SORCS2: variants seen among roughly 807,000 people sequenced by gnomAD.
SORCS2 encodes the protein VPS10 domain-containing receptor SorCS2.
SORCS2 carries 100 observed loss-of-function variants against 141.6 expected under a neutral mutation model. The ratio of observed to expected loss-of-function variants is 0.71; its 90% CI spans 0.60 to 0.83. SORCS2 has a LOEUF of 0.83. SORCS2 is among the 40% of genes least tolerant of loss of function. The pLI, the probability that SORCS2 is intolerant of heterozygous loss-of-function variation, is 0.00. For missense variants in SORCS2, 1,646 were observed against 1,560.2 expected, an observed-to-expected ratio of 1.05 and a Z score of -0.93; for synonymous variants, 789 against 676.9, an observed-to-expected ratio of 1.17 and a Z score of -2.57.
intron 25 of SORCS2, 27 bp downstream of exon 25, chr4:7,734,401 C>G: frequency 6.9e-7 from 1 of 1,453,600 alleles, no homozygotes; most frequent in Non-Finnish European, 9.2e-7. Flanking sequence ...CCCTCCTCTG[C>G]GGGGCTCTGA....
chr4:7,315,950 C>A (rs189092371), intron 1 of SORCS2, among the ~76,000 whole-genome samples: 89 of 152,276 alleles, frequency 5.8e-4, no homozygotes, highest in African/African-American at 2.0e-3. Flanking sequence ...TCCATCCTAT[C>A]TTCCTTCCAT....
chr4:7,461,964 G>A (rs1274991760), intron 2 of SORCS2, among the ~76,000 whole-genome samples: 1 of 152,172 alleles, frequency 6.6e-6, no homozygotes, highest in Non-Finnish European at 1.5e-5. Context: ...TCCCACGGCA[G>A]CTGGACACAG....
chr4:7,614,031 C>T (rs1718592898), intron 3 of SORCS2, among the ~76,000 whole-genome samples: 2 of 151,538 alleles, frequency 1.3e-5, no homozygotes, highest in Non-Finnish European at 2.9e-5. Context: ...CACCATCATT[C>T]ACCCATAATC....
intron 2 of SORCS2, among the ~76,000 whole-genome samples, chr4:7,469,361 C>A (rs1206976515): frequency 6.6e-6 from 1 of 152,174 alleles, no homozygotes; most frequent in East Asian, 1.9e-4. Context: ...CACAAAAGTT[C>A]TTTCTCCCCG....
At chr4:7,364,649 C>G (rs915307628) in intron 1 of SORCS2, among the ~76,000 whole-genome samples, 2 of 152,146 alleles carry the variant, frequency 1.3e-5, no homozygotes, top group Non-Finnish European at 2.9e-5. Context: ...CTCCACAAAA[C>G]AGAATGCAAG....
At chr4:7,554,935 A>G (rs1218207471) in intron 3 of SORCS2, among the ~76,000 whole-genome samples, 2 of 152,190 alleles carry the variant, frequency 1.3e-5, no homozygotes, top group Non-Finnish European at 2.9e-5. Flanking sequence ...GGGCAGGTGA[A>G]GTCCAAGGCA....
chr4:7,364,586 AG>A (rs1416567969), intron 1 of SORCS2, among the ~76,000 whole-genome samples: 5 of 152,042 alleles, frequency 3.3e-5, no homozygotes, highest in Admixed American at 1.3e-4. Context: ...GATGAGGTAA[AG>A]GGTCTTGAGG....
intron 2 of SORCS2, among the ~76,000 whole-genome samples, chr4:7,494,155 C>A (rs1731476194): frequency 1.3e-5 from 2 of 152,218 alleles, no homozygotes; most frequent in Admixed American, 1.3e-4. Context: ...TAGTTCGTAT[C>A]TTTTGTACAA....
chr4:7,714,267 A>C lies in SORCS2; in HGVS notation c.2017A>C (p.Arg673=). Residue 673 remains arginine, a synonymous_variant, in exon 16 of 27, where the codon AGA becomes CGA. Coordinates refer to ENST00000507866, the MANE Select transcript of SORCS2 (RefSeq NM_020777.3). The part of the protein sequence containing the change: ...QGDRCIMGQQ[R]SFRKRKSTSW... The stretch of plus-strand genomic sequence containing the variant: ...CGACCGCTGTATCATGGGCCAGCAG[A>C]GAAGTTTCCGGAAAAGAAAGTCCAC... 1 of 1,611,094 alleles carries C rather than the reference A, an allele frequency of 6.2e-7. No individual in the cohort carries two copies. Among genetic ancestry groups the C allele is most frequent in the South Asian group, 1.1e-5 (1 of 89,848 alleles).
chr4:7,564,129 TGA>T (rs1371250247), intron 3 of SORCS2, among the ~76,000 whole-genome samples: 1 of 152,212 alleles, frequency 6.6e-6, no homozygotes, highest in East Asian at 1.9e-4. Context: ...CCGGCTTCAC[TGA>T]GAGAGGTTGG....
In SORCS2 at chr4:7,198,343, C is replaced by A. The variant is rs10033224; in HGVS notation, c.480+5217C>A. Among the ~76,000 whole-genome samples, 498 of 152,310 alleles carry A rather than the reference C, an allele frequency of 3.3e-3. 2 individuals carry two copies. The highest frequency in any genetic ancestry group is 0.012 in the African/African-American group (478 of 41,564). On this transcript the variant is annotated intron_variant, in intron 1 of 26. Transcript: ENST00000507866. ...CCACGACAAAGCTGACTTGAAGCCT[C>A]GTGTCCGATGCTTGTGGTTTTGTGA...
At chr4:7,683,487 T>C (rs2108970319) in intron 10 of SORCS2, among the ~76,000 whole-genome samples, 1 of 152,378 alleles carries the variant, frequency 6.6e-6, no homozygotes, top group South Asian at 2.1e-4. Context: ...GCTCTGCACA[T>C]CTTGCATCCT....
intron 9 of SORCS2, 108 bp downstream of exon 9, chr4:7,676,337 C>T (rs1723111572): frequency 8.1e-7 from 1 of 1,237,800 alleles, no homozygotes; most frequent in African/African-American, 1.5e-5. Flanking sequence ...ATATAGCTGT[C>T]TCAAGGGTCT....
chr4:7,262,392 ATCCATCCATCCATC>A, intron 1 of SORCS2, among the ~76,000 whole-genome samples: 1 of 101,732 alleles, frequency 9.8e-6, no homozygotes, highest in Admixed American at 8.8e-5. Flanking sequence ...CCATCCATCC[ATCCATCCATCCATC>A]CATCCATCCA....
At chr4:7,243,303 A>G (rs992853892) in intron 1 of SORCS2, among the ~76,000 whole-genome samples, 21 of 152,170 alleles carry the variant, frequency 1.4e-4, no homozygotes, top group Non-Finnish European at 2.5e-4. Flanking sequence ...GATCTTGGCC[A>G]TTCTCCTCCC....
chr4:7,392,249 A>T (rs1204510888), intron 1 of SORCS2, among the ~76,000 whole-genome samples: 1 of 152,158 alleles, frequency 6.6e-6, no homozygotes, highest in African/African-American at 2.4e-5. Flanking sequence ...GAGGGTTAGG[A>T]TGGGCATTGC....
chr4:7,607,852 G>T (rs1718158772), intron 3 of SORCS2, among the ~76,000 whole-genome samples: 1 of 152,052 alleles, frequency 6.6e-6, no homozygotes, highest in Non-Finnish European at 1.5e-5. Flanking sequence ...CAGCCCCAGG[G>T]CTGTCTCTAC....
chr4:7,354,377 C>T (rs965519050), intron 1 of SORCS2, among the ~76,000 whole-genome samples: 1 of 152,036 alleles, frequency 6.6e-6, no homozygotes, highest in African/African-American at 2.4e-5. Context: ...GGGGGCTCAG[C>T]CCCCTGGCTT....
rs189478233 is a variant in SORCS2 at position 7,307,027 on chromosome 4, C to G, written c.481-89261C>G. 2.6e-3 allele frequency among the ~76,000 whole-genome samples: 398 copies of G among 152,282 alleles called. 2 individuals are homozygous for G. The highest frequency in any genetic ancestry group is 8.8e-3 in the African/African-American group (366 of 41,554). ...TCTGCAAGTCCACAGTGTGCAGCTC[C>G]CCAGGTTTCTCCAGACATCCAGTTC... is the stretch of plus-strand genomic sequence containing the variant. On this transcript the variant is annotated intron_variant, in intron 1 of 26. Coordinates refer to ENST00000507866, the MANE Select transcript of SORCS2 (RefSeq NM_020777.3).
Sources: gnomAD v4.1 joint callset for allele counts (sites outside exome capture counted in the v4.1 genomes callset) on GRCh38, gnomAD v4.1.1 for gene constraint, MANE v1.5 for transcripts, NCBI Gene and HGNC (gene_info 2026-07-23, HGNC 2026-07-21) for gene names.